The following ATP2B4 variants were observed in gnomAD, a reference collection of about 807,000 sequenced individuals.
ATP2B4 encodes the protein ATPase plasma membrane Ca2+ transporting 4.
ATP2B4 carries 39 observed loss-of-function variants against 110.3 expected under a neutral mutation model. That is an observed-to-expected ratio of 0.35 (90% CI 0.27 to 0.46). The LOEUF (loss-of-function observed/expected upper bound fraction) is 0.46, where lower values mean the gene tolerates loss of function less well. ATP2B4 is among the 20% of genes least tolerant of loss of function. ATP2B4 has a pLI of 1.00. For synonymous variants in ATP2B4, 538 were observed against 571.7 expected (o/e 0.94, Z 0.84); for missense variants, 1,135 against 1,530.9 (o/e 0.74, Z 4.32).
At chr1:203,690,015 A>AT (rs1665316407) in intron 2 of ATP2B4, among the ~76,000 whole-genome samples, 1 of 152,222 alleles carries the variant, frequency 6.6e-6, no homozygotes, top group African/African-American at 2.4e-5. Flanking sequence ...GCCTTCCTTA[A>AT]TTACTGGGTA....
At chr1:203,728,382 C>A (rs1490371841) in intron 20 of ATP2B4, 1 of 301,422 alleles carries the variant, frequency 3.3e-6, no homozygotes, top group Non-Finnish European at 6.6e-6. Flanking sequence ...TCTGTCTTCC[C>A]CTGCTCTCAC....
intron 20 of ATP2B4, chr1:203,728,424 T>C (rs1407744676): frequency 3.0e-5 from 7 of 232,800 alleles, no homozygotes; most frequent in Non-Finnish European, 5.3e-5. Context: ...AATCCTGAGA[T>C]TTTCCATTTC....
chr1:203,702,167 C>T, intron 7 of ATP2B4, 88 bp downstream of exon 7: 8 of 1,508,550 alleles, frequency 5.3e-6, no homozygotes, highest in Non-Finnish European at 7.3e-6. Context: ...CCCTTTTCCT[C>T]TCCATAAATC....
intron 1 of ATP2B4, among the ~76,000 whole-genome samples, chr1:203,666,084 A>C (rs1253590736): frequency 6.6e-6 from 1 of 152,184 alleles, no homozygotes; most frequent in African/African-American, 2.4e-5. Flanking sequence ...AAGGTGGTGG[A>C]GCATACGTGG....
At chr1:203,734,172 G>A (rs1403481261) in intron 20 of ATP2B4, among the ~76,000 whole-genome samples, 1 of 151,990 alleles carries the variant, frequency 6.6e-6, no homozygotes, top group Non-Finnish European at 1.5e-5. Flanking sequence ...GTGGTGGCGG[G>A]CACCTGTAGT....
intron 13 of ATP2B4, 78 bp from the exon 14 acceptor site, chr1:203,713,087 A>G (rs1666059135): frequency 1.3e-6 from 2 of 1,491,068 alleles, no homozygotes; most frequent in Non-Finnish European, 1.9e-6. Context: ...CAGTGACTCC[A>G]AGTGTATGGA....
At position 203,682,924 on chromosome 1, in the gene ATP2B4, C is replaced by T. The variant is rs1033164260; in HGVS notation, c.-282C>T. Reference sequence around the variant, plus strand: ...TACCCTGGACAACTACTATCATCACCACCTGGGGACACCAATCATCGTGAC... The same window carrying T: ...TACCCTGGACAACTACTATCATCACTACCTGGGGACACCAATCATCGTGAC... On this transcript the variant is annotated 5_prime_UTR_variant, in exon 2 of 21. Transcript: ENST00000357681. 8.0e-5 allele frequency: 28 copies of T among 349,258 alleles called. No homozygotes were observed. Among genetic ancestry groups the T allele is most frequent in the Non-Finnish European group, 1.3e-4 (25 of 187,852 alleles). The allele number at this position is 349,258 out of a possible 1,614,324, so 21.6% of individuals were successfully genotyped here. A position where few individuals can be genotyped will look rare whatever the true frequency, so the allele number is the denominator to read the frequency against.
At chr1:203,678,725 C>T (rs936103358) in intron 1 of ATP2B4, among the ~76,000 whole-genome samples, 2 of 152,128 alleles carry the variant, frequency 1.3e-5, no homozygotes, top group African/African-American at 4.8e-5. Flanking sequence ...TTTAAAGGGC[C>T]TCTTAGAAGC....
chr1:203,638,963 C>A (rs375648926), intron 1 of ATP2B4, among the ~76,000 whole-genome samples: 1 of 152,224 alleles, frequency 6.6e-6, no homozygotes, highest in African/African-American at 2.4e-5. Context: ...CTCCTCCTCG[C>A]ACACTGGGCC....
Position 203,698,033 on chromosome 1 carries a change from G to A in ATP2B4, c.194-124G>A, listed in dbSNP as rs190293350. 210 of 775,554 alleles carry A rather than the reference G, an allele frequency of 2.7e-4. No individual in the cohort carries two copies. In the African/African-American group the frequency reaches 3.3e-3, roughly 12 times the overall value. 48.0% of individuals were successfully genotyped at this position (775,554 alleles called of 1,614,324 possible). ...TTATTTTATTTATTTTTGAGACAGCGTCTCTCTCTGTTGCCCAGGCTAGAG... is the reference window on the plus strand; with the variant it reads ...TTATTTTATTTATTTTTGAGACAGCATCTCTCTCTGTTGCCCAGGCTAGAG... On this transcript the variant is annotated intron_variant, in intron 2 of 20. Coordinates refer to ENST00000357681, the MANE Select transcript of ATP2B4 (RefSeq NM_001684.5).
intron 1 of ATP2B4, among the ~76,000 whole-genome samples, chr1:203,651,245 G>GT (rs1663984079): frequency 6.6e-6 from 1 of 152,008 alleles, no homozygotes; most frequent in South Asian, 2.1e-4. Flanking sequence ...CTCTGTCTCT[G>GT]TCTTTCATTT....
intron 18 of ATP2B4, among the ~76,000 whole-genome samples, chr1:203,723,418 ATATCTCTCTCTC>A (rs1558052388): frequency 6.0e-5 from 4 of 66,460 alleles, no homozygotes; most frequent in Middle Eastern, 0.01. Context: ...TTTGAGACAG[ATATCTCTCTCTC>A]TCTCTCTCTC....
At chr1:203,701,150 C>G (rs1481927993) in intron 6 of ATP2B4, among the ~76,000 whole-genome samples, 1 of 151,730 alleles carries the variant, frequency 6.6e-6, no homozygotes, top group East Asian at 2.0e-4. Flanking sequence ...GAATTTGAGC[C>G]TTGATTTTTA....
intron 2 of ATP2B4, among the ~76,000 whole-genome samples, chr1:203,689,530 T>C (rs1157416870): frequency 1.3e-5 from 2 of 152,252 alleles, no homozygotes; most frequent in Non-Finnish European, 2.9e-5. Context: ...TGGTTGAATT[T>C]GGATCTAAAA....
intron 2 of ATP2B4, among the ~76,000 whole-genome samples, chr1:203,697,312 A>G (rs1435447163): frequency 6.6e-6 from 1 of 152,234 alleles, no homozygotes; most frequent in African/African-American, 2.4e-5. Context: ...TCCATCTTGC[A>G]TGACCTTGAG....
chr1:203,689,298 AG>A (rs2102371024), intron 2 of ATP2B4, among the ~76,000 whole-genome samples: 1 of 152,350 alleles, frequency 6.6e-6, no homozygotes, highest in South Asian at 2.1e-4. Context: ...CTGGCGGCCT[AG>A]GTAGAGGTTA....
intron 6 of ATP2B4, 46 bp from the exon 7 acceptor site, chr1:203,701,998 G>A (rs761647963): frequency 6.2e-7 from 1 of 1,611,368 alleles, no homozygotes; most frequent in Non-Finnish European, 8.5e-7. Flanking sequence ...TCTCTTAATA[G>A]TTACTTTGGG....
rs1463396108 is a variant in ATP2B4 at position 203,629,570 on chromosome 1, G to A, written c.-465+2351G>A. On this transcript the variant is annotated intron_variant, in intron 1 of 20. Transcript: ENST00000357681. This position sits in a 1 kb window ranked among gnomAD's most constrained non-coding sequence, Gnocchi z 4.6. ...CCGCAGTCTCAGCCCTTCCCCCGGGGCTCGGGGCAGGATTGACTGCGCAAC... is the reference window on the plus strand; with the variant it reads ...CCGCAGTCTCAGCCCTTCCCCCGGGACTCGGGGCAGGATTGACTGCGCAAC... Among the ~76,000 whole-genome samples the A allele has an allele frequency of 6.6e-6, 1 of 152,112 alleles. No homozygotes were observed. The highest frequency in any genetic ancestry group is 1.5e-5 in the Non-Finnish European group (1 of 68,012).
intron 1 of ATP2B4, among the ~76,000 whole-genome samples, chr1:203,633,600 C>A (rs746048199): frequency 6.6e-6 from 1 of 152,026 alleles, no homozygotes; most frequent in African/African-American, 2.4e-5. Context: ...CCTGTCTCTA[C>A]TAAAAATATA....
Sources: gnomAD v4.1 joint callset for allele counts (sites outside exome capture counted in the v4.1 genomes callset) on GRCh38, gnomAD v4.1.1 for gene constraint, Gnocchi (gnomAD v3.1) non-coding constraint, MANE v1.5 for transcripts, NCBI Gene and HGNC (gene_info 2026-07-23, HGNC 2026-07-21) for gene names.